The following THSD4 variants were observed in gnomAD, a reference collection of about 807,000 sequenced individuals.
THSD4 encodes the protein thrombospondin type 1 domain containing 4, also known as thrombospondin type-1 domain-containing protein 4.
In THSD4, 69 loss-of-function variants were observed where a neutral mutation model predicts 119.0. The observed-to-expected ratio is 0.58, with a 90% confidence interval of 0.48 to 0.71. The LOEUF is 0.71. THSD4 is among the 30% of genes least tolerant of loss of function. THSD4 has a pLI of 0.00. For synonymous variants in THSD4, 524 were observed against 540.4 expected, an observed-to-expected ratio of 0.97 and a Z score of 0.42; for missense variants, 1,393 against 1,391.1, an observed-to-expected ratio of 1.00 and a Z score of -0.02.
chr15:71,348,159 C>T (rs1027910397), intron 6 of THSD4: 15 of 152,200 alleles, frequency 9.9e-5, no homozygotes, highest in Non-Finnish European at 4.4e-5. Context: ...CAGGTCATCC[C>T]TGGGAATCTC....
intron 8 of THSD4, among the ~76,000 whole-genome samples, chr15:71,675,955 A>G (rs2051638365): frequency 2.0e-5 from 3 of 152,112 alleles, no homozygotes; most frequent in African/African-American, 7.2e-5. Flanking sequence ...TCACTGTTCC[A>G]TCCCTGTCCC....
chr15:71,482,354 G>A (rs549461174), intron 7 of THSD4, among the ~76,000 whole-genome samples: 22 of 151,050 alleles, frequency 1.5e-4, no homozygotes, highest in Non-Finnish European at 2.2e-4. Context: ...GCAGTGGCAC[G>A]ATCTCGGCTC....
intron 4 of THSD4, among the ~76,000 whole-genome samples, chr15:71,224,227 A>G (rs552112937): frequency 6.6e-6 from 1 of 152,312 alleles, no homozygotes; most frequent in Admixed American, 6.5e-5. Flanking sequence ...GCTGGAGCAC[A>G]GGCTGCAAAT....
chr15:71,267,044 A>G (rs2044472758), intron 6 of THSD4, among the ~76,000 whole-genome samples: 1 of 152,150 alleles, frequency 6.6e-6, no homozygotes, highest in Admixed American at 6.5e-5. Context: ...ACTCTTCAGG[A>G]TATTATCCAG....
chr15:71,433,105 C>G (rs1172860399), intron 7 of THSD4, among the ~76,000 whole-genome samples: 1 of 151,452 alleles, frequency 6.6e-6, no homozygotes, highest in African/African-American at 2.4e-5. Context: ...TTAGAAACAG[C>G]CTTTTCTGTA....
chr15:71,259,215 A>G (rs1385644998), intron 6 of THSD4, among the ~76,000 whole-genome samples: 2 of 152,158 alleles, frequency 1.3e-5, no homozygotes, highest in Non-Finnish European at 2.9e-5. Context: ...TGATGCTTCT[A>G]CAAGGTAACA....
At chr15:71,509,758 C>G (rs1307432634) in intron 7 of THSD4, among the ~76,000 whole-genome samples, 1 of 152,046 alleles carries the variant, frequency 6.6e-6, no homozygotes, top group African/African-American at 2.4e-5. Flanking sequence ...GTGGTGGATC[C>G]TAGGTAGGTG....
chr15:71,737,972 T>C lies in THSD4; in HGVS notation c.1871T>C (p.Leu624Pro). The C allele has an allele frequency of 3.7e-6, 6 of 1,613,908 alleles. No homozygotes were observed. Among genetic ancestry groups the C allele is most frequent in the Non-Finnish European group, 5.1e-6 (6 of 1,179,840 alleles). Residue 624 changes from leucine (L) to proline (P), a missense_variant, in exon 11 of 18, where the codon CTT (leucine) becomes CCT (proline). Coordinates refer to ENST00000261862, the MANE Select transcript of THSD4 (RefSeq NM_024817.3). ...AGCCGGGATCACAACTGGAAGCAGCTTGGGACAACAGAATGTTCCACGACC... is the reference window on the plus strand; with the variant it reads ...AGCCGGGATCACAACTGGAAGCAGCCTGGGACAACAGAATGTTCCACGACC... ...RRSRDHNWKQ[L>P]GTTECSTTCG...
chr15:71,337,297 G>C (rs949796351), intron 6 of THSD4, among the ~76,000 whole-genome samples: 1 of 152,212 alleles, frequency 6.6e-6, no homozygotes, highest in Non-Finnish European at 1.5e-5. Flanking sequence ...TTGCATTCCA[G>C]TCCAGGGGGA....
chr15:71,414,046 G>T (rs986957188), intron 7 of THSD4, among the ~76,000 whole-genome samples: 1 of 152,200 alleles, frequency 6.6e-6, no homozygotes, highest in Admixed American at 6.5e-5. Flanking sequence ...AGAGTATAAT[G>T]GTTACAAACC....
rs568879162 is a variant in THSD4 at position 71,584,965 on chromosome 15, T to C, written c.1153-75565T>C. Among the ~76,000 whole-genome samples, 66 of 151,060 alleles carry C rather than the reference T, an allele frequency of 4.4e-4. 1 individual carries two copies. Among genetic ancestry groups the C allele is most frequent in the African/African-American group, 1.5e-3 (63 of 40,928 alleles). ...AACAAGCTTTGATTGAATTTAAAAA[T>C]CTACATTTTTAACTTCTGTTTTCCA... On this transcript the variant is annotated intron_variant, in intron 7 of 17. Transcript: ENST00000261862.
intron 3 of THSD4, chr15:71,166,897 T>A (rs2043299454): frequency 6.6e-6 from 1 of 152,210 alleles, no homozygotes; most frequent in African/African-American, 2.4e-5. Context: ...TATTAAGAAC[T>A]TTGTAGTAGA....
intron 6 of THSD4, among the ~76,000 whole-genome samples, chr15:71,347,282 T>C (rs1334012216): frequency 6.6e-6 from 1 of 152,154 alleles, no homozygotes; most frequent in Admixed American, 6.5e-5. Context: ...ACCCTGAATG[T>C]AATCAATTTC....
rs941008242 is a variant in THSD4 at position 71,281,195 on chromosome 15, C to T, written c.1015+24480C>T. On this transcript the variant is annotated intron_variant, in intron 6 of 17. Coordinates refer to ENST00000261862, the MANE Select transcript of THSD4 (RefSeq NM_024817.3). ...CTGAGGTATGAATCCGAGAAGTCTA[C>T]TTTGCAAGACACATGTTATGGAAAA... is the stretch of plus-strand genomic sequence containing the variant. Among the ~76,000 whole-genome samples, 77 of 152,368 alleles carry T rather than the reference C, an allele frequency of 5.1e-4. 1 individual carries two copies. Among genetic ancestry groups the T allele is most frequent in the Non-Finnish European group, 2.1e-4 (14 of 68,042 alleles).
chr15:71,671,870 T>C (rs915032929), intron 8 of THSD4, among the ~76,000 whole-genome samples: 2 of 152,170 alleles, frequency 1.3e-5, no homozygotes, highest in Non-Finnish European at 2.9e-5. Context: ...AGTACCATGC[T>C]TGTTTTGGTT....
chr15:71,739,830 C>CTT (rs548898828), intron 11 of THSD4, among the ~76,000 whole-genome samples: 1 of 142,418 alleles, frequency 7.0e-6, no homozygotes, highest in Admixed American at 7.1e-5. Flanking sequence ...CTTTGCTTTG[C>CTT]TTTTTTTTTT....
At chr15:71,449,406 G>C (rs2047232959) in intron 7 of THSD4, among the ~76,000 whole-genome samples, 1 of 152,164 alleles carries the variant, frequency 6.6e-6, no homozygotes, top group Admixed American at 6.5e-5. Context: ...TTGGGTTGCT[G>C]TCTGGGTTCC....
intron 3 of THSD4, chr15:71,184,065 TG>T (rs2043569428): frequency 6.6e-6 from 1 of 151,858 alleles, no homozygotes; most frequent in South Asian, 2.1e-4. Flanking sequence ...CTCTTTTCCC[TG>T]GGCTTGTTTT....
At chr15:71,311,059 C>T (rs1184130638) in intron 6 of THSD4, among the ~76,000 whole-genome samples, 2 of 152,180 alleles carry the variant, frequency 1.3e-5, no homozygotes, top group Non-Finnish European at 2.9e-5. Flanking sequence ...AGTGGCTGTG[C>T]TCCACACAGT....
Sources: allele counts gnomAD v4.1 joint callset (sites outside exome capture counted in the v4.1 genomes callset), GRCh38; gene constraint gnomAD v4.1.1; transcripts MANE v1.5; gene names NCBI Gene and HGNC (gene_info 2026-07-23, HGNC 2026-07-21).